The following SNED1 variants were observed in gnomAD, a reference collection of about 807,000 sequenced individuals.
The protein encoded by SNED1 is sushi, nidogen and EGF-like domain-containing protein 1.
In SNED1, 81 loss-of-function variants were observed where a neutral mutation model predicts 166.7. The ratio of observed to expected loss-of-function variants is 0.49; its 90% CI spans 0.41 to 0.58. The LOEUF (loss-of-function observed/expected upper bound fraction) is 0.58. Ranked by LOEUF, SNED1 falls within the 20% of genes least tolerant of loss-of-function variation. The pLI is 0.00. For synonymous variants in SNED1, 762 were observed against 822.0 expected, an observed-to-expected ratio of 0.93 and a Z score of 1.25; for missense variants, 1,604 against 2,000.2, an observed-to-expected ratio of 0.80 and a Z score of 3.78.
intron 1 of SNED1, among the ~76,000 whole-genome samples, chr2:241,005,928 G>A (rs6714170): frequency 0.065 from 9,814 of 151,680 alleles, 851 homozygotes; most frequent in African/African-American, 0.2. Flanking sequence ...ATTTGTGAGC[G>A]TATAGTTTCC....
At chr2:241,035,357 C>T (rs2061315746) in intron 4 of SNED1, among the ~76,000 whole-genome samples, 1 of 152,136 alleles carries the variant, frequency 6.6e-6, no homozygotes, top group African/African-American at 2.4e-5. Flanking sequence ...GGTGGGTGTC[C>T]CTCCCAGGGG....
intron 1 of SNED1, among the ~76,000 whole-genome samples, chr2:241,008,539 C>G (rs964380214): frequency 6.6e-6 from 1 of 152,194 alleles, no homozygotes; most frequent in Non-Finnish European, 1.5e-5. Context: ...CTGGAAGGGT[C>G]GGGGCCTGGT....
chr2:241,032,922 T>C (rs1259628534), intron 2 of SNED1, among the ~76,000 whole-genome samples: 2 of 152,268 alleles, frequency 1.3e-5, no homozygotes, highest in Non-Finnish European at 2.9e-5. Context: ...GTATGCGTTA[T>C]AAATAGGTTT....
chr2:241,008,133 A>G (rs1305266430), intron 1 of SNED1, among the ~76,000 whole-genome samples: 1 of 152,230 alleles, frequency 6.6e-6, no homozygotes, highest in Admixed American at 6.5e-5. Context: ...GTGTGTCTCC[A>G]AAGCAGGCTT....
chr2:241,088,299 G>A (rs1314377648), intron 30 of SNED1, 66 bp from the exon 31 acceptor site: 72 of 1,146,386 alleles, frequency 6.3e-5, no homozygotes, highest in Non-Finnish European at 9.3e-5. Context: ...CCTGGACTGA[G>A]GTAGCTGTAG....
Position 241,073,282 on chromosome 2 carries a change from G to A in SNED1, c.3834G>A (p.Ala1278=), listed in dbSNP as rs371051681. The change falls in exon 27 of 32, where the codon GCG becomes GCA. Residue 1278 remains alanine (A), a synonymous_variant. Coordinates refer to ENST00000310397, the MANE Select transcript of SNED1 (RefSeq NM_001080437.3). The surrounding 1 kb of genome is among the most constrained non-coding windows in gnomAD (Gnocchi z 6.6). ...TTCTCCTAGAACCCACAGCCTCGGCGCAGCTCGAGAACATGGAGGAAGCCC... is the reference window on the plus strand; with the variant it reads ...TTCTCCTAGAACCCACAGCCTCGGCACAGCTCGAGAACATGGAGGAAGCCC... ...ATVRSQPTAS[A]QLENMEEAPK... is the part of the protein sequence containing the mutation. The A allele has an allele frequency of 4.0e-5, 63 of 1,560,694 alleles. 1 individual carries two copies. In the African/African-American group the frequency reaches 6.0e-4, roughly 15 times the overall value.
chr2:241,033,569 A>G, intron 2 of SNED1, 166 bp from the exon 3 acceptor site: 1 of 707,630 alleles, frequency 1.4e-6, no homozygotes, highest in Non-Finnish European at 2.3e-6. Flanking sequence ...GCAGAGGATG[A>G]GGCCACCAAG....
chr2:241,063,950 C>G, intron 18 of SNED1, 62 bp from the exon 19 acceptor site: 1 of 1,244,698 alleles, frequency 8.0e-7, no homozygotes, highest in Non-Finnish European at 1.1e-6. Flanking sequence ...TCCCGCTGTC[C>G]TCTCCTCCCT....
intron 4 of SNED1, among the ~76,000 whole-genome samples, 174 bp downstream of exon 4, chr2:241,034,904 C>T (rs2061298773): frequency 1.3e-5 from 2 of 152,176 alleles, no homozygotes; most frequent in South Asian, 4.1e-4. Context: ...GCTGGTCCTG[C>T]AGCCTCAGCT....
intron 17 of SNED1, chr2:241,063,255 G>A (rs1038255698): frequency 2.7e-5 from 13 of 481,860 alleles, no homozygotes; most frequent in South Asian, 1.1e-4. Flanking sequence ...CTTGTACCTC[G>A]CTAGGGCTCT....
intron 1 of SNED1, among the ~76,000 whole-genome samples, chr2:241,002,977 C>T (rs1268334496): frequency 6.6e-6 from 1 of 152,050 alleles, no homozygotes; most frequent in Admixed American, 6.6e-5. Context: ...TGCAGCACCC[C>T]CTTGCTGACC....
rs372888758 is a variant in SNED1, at chr2:241,082,261, C to T, written c.4034-16C>T. On this transcript the variant is annotated splice_polypyrimidine_tract_variant and intron_variant, in intron 28 of 31. Coordinates refer to ENST00000310397, the MANE Select transcript of SNED1 (RefSeq NM_001080437.3). The stretch of plus-strand genomic sequence containing the variant: ...GTCAGGAGCACCTGGTGAGCCACTG[C>T]CCTTCTTTGTCGCAGCCTGTATAAA... 2 of 1,591,444 alleles carry T rather than the reference C, an allele frequency of 1.3e-6. No individual in the cohort carries two copies. The highest frequency in any genetic ancestry group is 2.7e-5 in the African/African-American group (2 of 74,482).
At chr2:241,050,027 C>A in intron 12 of SNED1, 94 bp downstream of exon 12, 1 of 934,232 alleles carries the variant, frequency 1.1e-6, no homozygotes, top group Admixed American at 1.9e-5. Flanking sequence ...CTCCTTGTTT[C>A]GCGAATTGCT....
rs1332522889 is a variant in SNED1 at position 240,999,617 on chromosome 2, G to A, written c.213+567G>A. Among the ~76,000 whole-genome samples the A allele has an allele frequency of 6.6e-6, 1 of 152,190 alleles. No individual in the cohort carries two copies. Among genetic ancestry groups the A allele is most frequent in the Non-Finnish European group, 1.5e-5 (1 of 68,026 alleles). On this transcript the variant is annotated intron_variant, in intron 1 of 31. Transcript: ENST00000310397. The surrounding 1 kb of genome is among the most constrained non-coding windows in gnomAD (Gnocchi z 5.8). ...AGCAACAGGCTTGCCCCTCCCTGCC[G>A]TCCTCTCCGCAGTCTGGGGGCTGGC...
chr2:241,090,375 T>G (rs752151927), intron 31 of SNED1: 1 of 1,550,278 alleles, frequency 6.5e-7, no homozygotes, highest in Non-Finnish European at 8.7e-7. Flanking sequence ...GATGCCTTCT[T>G]CTGGAAACCT....
At position 241,049,844 on chromosome 2, in the gene SNED1, C is replaced by T; in HGVS notation, c.1646C>T (p.Pro549Leu). ...HSLPSPCDSDPCFNGGSCDAH... is the reference protein window; with the variant it reads ...HSLPSPCDSDLCFNGGSCDAH... ...CTGCCATCACCCTGCGACTCGGACC[C>T]CTGCTTCAACGGAGGCTCCTGCGAT... Residue 549 changes from proline to leucine, a missense_variant, in exon 12 of 32, where the codon CCC (proline) becomes CTC (leucine). Coordinates refer to ENST00000310397, the MANE Select transcript of SNED1 (RefSeq NM_001080437.3). The T allele has an allele frequency of 6.8e-6, 11 of 1,613,854 alleles. No homozygotes were observed. The highest frequency in any genetic ancestry group is 9.3e-6 in the Non-Finnish European group (11 of 1,179,788).
chr2:241,086,211 A>G (rs2063566525), intron 29 of SNED1, among the ~76,000 whole-genome samples: 1 of 151,770 alleles, frequency 6.6e-6, no homozygotes, highest in Non-Finnish European at 1.5e-5. Context: ...AGATCTCTCT[A>G]CTCTGGCTCT....
chr2:241,032,280 G>T (rs1403721288), intron 2 of SNED1, among the ~76,000 whole-genome samples: 1 of 151,992 alleles, frequency 6.6e-6, no homozygotes, highest in Non-Finnish European at 1.5e-5. Context: ...AACCCGGGAG[G>T]CAGAGGTTGC....
chr2:241,008,819 G>A (rs1226411379), intron 1 of SNED1, among the ~76,000 whole-genome samples: 1 of 152,246 alleles, frequency 6.6e-6, no homozygotes, highest in Non-Finnish European at 1.5e-5. Context: ...GCAGGACTGT[G>A]GCCAGCCCAG....
Sources: allele counts gnomAD v4.1 joint callset (sites outside exome capture counted in the v4.1 genomes callset), GRCh38; gene constraint gnomAD v4.1.1; non-coding constraint Gnocchi (gnomAD v3.1); transcripts MANE v1.5; gene names NCBI Gene and HGNC (gene_info 2026-07-23, HGNC 2026-07-21).